NHERF1: variants seen among roughly 807,000 people sequenced by gnomAD.
The protein encoded by NHERF1 is Na(+)/H(+) exchange regulatory cofactor NHE-RF1.
the NHERF1 span, chr17:74,768,597 A>G: frequency 6.2e-7 from 1 of 1,614,158 alleles, no homozygotes; most frequent in Non-Finnish European, 8.5e-7. Flanking sequence ...GAAACGCAGC[A>G]GCAAACGGGC....
the NHERF1 span, among the ~76,000 whole-genome samples, chr17:74,756,708 A>G: frequency 6.6e-6 from 1 of 152,308 alleles, no homozygotes. Flanking sequence ...AGCCATGTGT[A>G]CTTGAGCAAC....
the NHERF1 span, among the ~76,000 whole-genome samples, chr17:74,760,483 C>T: frequency 6.6e-6 from 1 of 152,318 alleles, no homozygotes; most frequent in African/African-American, 2.4e-5. This position sits in a 1 kb window ranked among gnomAD's most constrained non-coding sequence, Gnocchi z 4.5. Flanking sequence ...ATCCTCTAGC[C>T]ACCCCCAGAG....
At chr17:74,753,179 C>T in the NHERF1 span, among the ~76,000 whole-genome samples, 1 of 152,206 alleles carries the variant, frequency 6.6e-6, no homozygotes, top group Non-Finnish European at 1.5e-5. Context: ...CTGCAACCCT[C>T]AGCCTCCACC....
the NHERF1 span, among the ~76,000 whole-genome samples, chr17:74,752,975 T>C: frequency 7.9e-5 from 12 of 152,340 alleles, no homozygotes; most frequent in African/African-American, 2.9e-4. Context: ...ACCTTTGTCC[T>C]CATTCAGCTC....
chr17:74,760,786 G>A, the NHERF1 span, among the ~76,000 whole-genome samples: 2 of 152,208 alleles, frequency 1.3e-5, no homozygotes, highest in Non-Finnish European at 2.9e-5. The surrounding 1 kb of genome is among the most constrained non-coding windows in gnomAD (Gnocchi z 4.5). Context: ...TGACCTCACT[G>A]GGCCTCAGCA....
chr17:74,749,789 A>C, the NHERF1 span, among the ~76,000 whole-genome samples: 1 of 152,204 alleles, frequency 6.6e-6, no homozygotes, highest in Non-Finnish European at 1.5e-5. The surrounding 1 kb of genome is among the most constrained non-coding windows in gnomAD (Gnocchi z 5.6). Context: ...CCCCGGCGCG[A>C]GGAGGCCCTC....
chr17:74,754,077 T>C, the NHERF1 span, among the ~76,000 whole-genome samples: 1 of 151,776 alleles, frequency 6.6e-6, no homozygotes, highest in African/African-American at 2.4e-5. Context: ...GGCAGGAGAA[T>C]GGCTTGAACC....
the NHERF1 span, chr17:74,767,014 T>G: frequency 6.3e-7 from 1 of 1,591,712 alleles, no homozygotes; most frequent in South Asian, 1.1e-5. Flanking sequence ...ATTTCAATCC[T>G]TGGGGTGCAT....
At chr17:74,761,350 G>A in the NHERF1 span, among the ~76,000 whole-genome samples, 17 of 152,204 alleles carry the variant, frequency 1.1e-4, no homozygotes. The surrounding 1 kb of genome is among the most constrained non-coding windows in gnomAD (Gnocchi z 4.3). Context: ...GCCTGAGGAT[G>A]GCCCCGTCTT....
At chr17:74,761,164 G>A in the NHERF1 span, among the ~76,000 whole-genome samples, 46 of 152,308 alleles carry the variant, frequency 3.0e-4, no homozygotes, top group African/African-American at 9.4e-4. This position sits in a 1 kb window ranked among gnomAD's most constrained non-coding sequence, Gnocchi z 4.3. Flanking sequence ...CGAAATCTGC[G>A]TGTGCCCTTT....
the NHERF1 span, among the ~76,000 whole-genome samples, chr17:74,758,495 C>T: frequency 2.6e-5 from 4 of 152,198 alleles, no homozygotes; most frequent in African/African-American, 9.7e-5. The surrounding 1 kb of genome is among the most constrained non-coding windows in gnomAD (Gnocchi z 4.3). Flanking sequence ...CATGTTCCCT[C>T]CTGTTGATTC....
At chr17:74,749,152 C>CGGCGTCCAGGTCCGAGAGGAGCTGCTG in the NHERF1 span, 1 of 1,551,586 alleles carries the variant, frequency 6.4e-7, no homozygotes, top group Non-Finnish European at 8.7e-7. This position sits in a 1 kb window ranked among gnomAD's most constrained non-coding sequence, Gnocchi z 5.6. Flanking sequence ...TGCAGAAGCT[C>CGGCGTCCAGGTCCGAGAGGAGCTGCTG]GGCGTCCAGG....
the NHERF1 span, chr17:74,749,088 C>G: frequency 6.3e-7 from 1 of 1,587,832 alleles, no homozygotes; most frequent in Non-Finnish European, 8.5e-7. The surrounding 1 kb of genome is among the most constrained non-coding windows in gnomAD (Gnocchi z 5.6). Flanking sequence ...CGCATCCGCG[C>G]CGCACTCAAC....
At chr17:74,749,948 G>A in the NHERF1 span, among the ~76,000 whole-genome samples, 1 of 152,224 alleles carries the variant, frequency 6.6e-6, no homozygotes, top group Non-Finnish European at 1.5e-5. The surrounding 1 kb of genome is among the most constrained non-coding windows in gnomAD (Gnocchi z 5.6). Flanking sequence ...AAGGCATCTC[G>A]GAGTGGTGGT....
the NHERF1 span, chr17:74,768,403 G>A: frequency 6.3e-7 from 1 of 1,579,942 alleles, no homozygotes; most frequent in Non-Finnish European, 8.7e-7. Flanking sequence ...CCTCACCAAG[G>A]CTGAGGACCA....
chr17:74,751,349 C>T, the NHERF1 span, among the ~76,000 whole-genome samples: 2 of 152,164 alleles, frequency 1.3e-5, no homozygotes, highest in African/African-American at 4.8e-5. This position sits in a 1 kb window ranked among gnomAD's most constrained non-coding sequence, Gnocchi z 4.3. Flanking sequence ...TAAAACACAC[C>T]CGTTTCCTAC....
the NHERF1 span, among the ~76,000 whole-genome samples, chr17:74,749,674 G>T: frequency 5.3e-5 from 8 of 152,050 alleles, no homozygotes; most frequent in African/African-American, 1.7e-4. The surrounding 1 kb of genome is among the most constrained non-coding windows in gnomAD (Gnocchi z 5.6). Flanking sequence ...ACCCCAGTCC[G>T]CAGATGGGCC....
chr17:74,751,872 A>AT, the NHERF1 span, among the ~76,000 whole-genome samples: 47 of 152,218 alleles, frequency 3.1e-4, no homozygotes, highest in Non-Finnish European at 5.9e-4. This position sits in a 1 kb window ranked among gnomAD's most constrained non-coding sequence, Gnocchi z 4.3. Context: ...GTAAGCCTCC[A>AT]TTTCCTCTTG....
chr17:74,767,418 G>A, the NHERF1 span, among the ~76,000 whole-genome samples: 2 of 152,316 alleles, frequency 1.3e-5, no homozygotes, highest in Non-Finnish European at 2.9e-5. Flanking sequence ...GGGGCTGGGC[G>A]CCAGCTGAAG....
Sources: gnomAD v4.1 joint callset for allele counts (sites outside exome capture counted in the v4.1 genomes callset) on GRCh38, gnomAD v4.1.1 for gene constraint, Gnocchi (gnomAD v3.1) non-coding constraint, MANE v1.5 for transcripts, NCBI Gene and HGNC (gene_info 2026-07-23, HGNC 2026-07-21) for gene names.